Variants in PIK3R3 observed in about 807,000 individuals in gnomAD.
PIK3R3 encodes phosphatidylinositol 3-kinase regulatory subunit gamma.
A neutral mutation model predicts 62.9 loss-of-function variants in PIK3R3; 64 were observed. The observed-to-expected ratio is 1.02, with a 90% CI of 0.83 to 1.25. The LOEUF (loss-of-function observed/expected upper bound fraction) is 1.25, where lower values mean the gene tolerates loss of function less well. Among genes scored for constraint, PIK3R3 ranks in the 50% most tolerant of loss-of-function variants. The pLI is 0.00. For synonymous variants in PIK3R3, 165 were observed against 189.0 expected, an observed-to-expected ratio of 0.87 and a Z score of 1.04; for missense variants, 614 against 561.6, an observed-to-expected ratio of 1.09 and a Z score of -0.94.
At chr1:46,172,215 C>CTA in the PIK3R3 span, among the ~76,000 whole-genome samples, 1 of 152,150 alleles carries the variant, frequency 6.6e-6, no homozygotes, top group African/African-American at 2.4e-5. Flanking sequence ...CTGGGCTGCT[C>CTA]CCCAGGCACT....
At chr1:46,081,881 G>A (rs904035108) in intron 1 of PIK3R3, among the ~76,000 whole-genome samples, 6 of 152,142 alleles carry the variant, frequency 3.9e-5, no homozygotes, top group Admixed American at 1.3e-4. Flanking sequence ...ACAAAACAGC[G>A]AACTGGAAGG....
At chr1:46,051,982 A>T (rs913366073) in intron 7 of PIK3R3, among the ~76,000 whole-genome samples, 11 of 152,018 alleles carry the variant, frequency 7.2e-5, no homozygotes, top group African/African-American at 1.9e-4. Flanking sequence ...CTAAAAAAAT[A>T]AAAAAATTAG....
the PIK3R3 span, among the ~76,000 whole-genome samples, chr1:46,147,366 A>C: frequency 1.3e-5 from 2 of 152,116 alleles, no homozygotes; most frequent in African/African-American, 4.8e-5. Flanking sequence ...CAGCTTCCCA[A>C]AATGCTGGGA....
chr1:46,141,076 T>A, the PIK3R3 span, among the ~76,000 whole-genome samples: 1 of 151,856 alleles, frequency 6.6e-6, no homozygotes, highest in Non-Finnish European at 1.5e-5. Context: ...CCCAGGCTGG[T>A]CTTGAACTCC....
intron 1 of PIK3R3, among the ~76,000 whole-genome samples, chr1:46,101,732 T>C (rs1331039265): frequency 6.6e-6 from 1 of 152,138 alleles, no homozygotes; most frequent in Non-Finnish European, 1.5e-5. Flanking sequence ...ATATCTAGAA[T>C]AGGCAAATTC....
the PIK3R3 span, among the ~76,000 whole-genome samples, chr1:46,159,627 C>T: frequency 1.3e-5 from 2 of 152,170 alleles, no homozygotes; most frequent in African/African-American, 2.4e-5. Context: ...TCATCACCTC[C>T]GGCTCTAAGT....
intron 3 of PIK3R3, among the ~76,000 whole-genome samples, chr1:46,072,030 C>A (rs1649587476): frequency 6.6e-6 from 1 of 152,068 alleles, no homozygotes; most frequent in South Asian, 2.1e-4. Context: ...ACTCCCCTCC[C>A]ACTTTCTACA....
At chr1:46,048,575 T>C (rs902716023) in intron 7 of PIK3R3, among the ~76,000 whole-genome samples, 15 of 152,196 alleles carry the variant, frequency 9.9e-5, no homozygotes, top group African/African-American at 3.4e-4. Context: ...CAAAGAAATA[T>C]GCACACTGGG....
At chr1:46,159,609 C>T in the PIK3R3 span, among the ~76,000 whole-genome samples, 1 of 152,266 alleles carries the variant, frequency 6.6e-6, no homozygotes, top group South Asian at 2.1e-4. Flanking sequence ...AGGACAATTA[C>T]ATTGTCATCA....
chr1:46,140,557 A>G, the PIK3R3 span, among the ~76,000 whole-genome samples: 2 of 152,244 alleles, frequency 1.3e-5, no homozygotes, highest in African/African-American at 2.4e-5. Context: ...TGGATCCTAG[A>G]TCTAATGATC....
At chr1:46,121,454 A>C (rs1161206078) in intron 1 of PIK3R3, among the ~76,000 whole-genome samples, 2 of 152,122 alleles carry the variant, frequency 1.3e-5, no homozygotes, top group Non-Finnish European at 2.9e-5. Flanking sequence ...AGCAATTTTC[A>C]TTCAGATTTT....
chr1:46,141,399 T>A, the PIK3R3 span, among the ~76,000 whole-genome samples: 1 of 151,900 alleles, frequency 6.6e-6, no homozygotes, highest in African/African-American at 2.4e-5. Flanking sequence ...GCCTCCCGAG[T>A]AGCTGGGATT....
chr1:46,092,811 G>C (rs1039432706), intron 1 of PIK3R3, among the ~76,000 whole-genome samples: 1 of 72,390 alleles, frequency 1.4e-5, no homozygotes, highest in African/African-American at 5.7e-5. Context: ...ATCCCATACT[G>C]GTCTTCATTT....
intron 7 of PIK3R3, among the ~76,000 whole-genome samples, chr1:46,047,452 G>GAAAA (rs1329573787): frequency 3.4e-5 from 5 of 148,288 alleles, no homozygotes; most frequent in African/African-American, 5.0e-5. Flanking sequence ...AAAAAAAAAA[G>GAAAA]AAAGAAAGAA....
At chr1:46,157,727 C>G in the PIK3R3 span, among the ~76,000 whole-genome samples, 6 of 152,184 alleles carry the variant, frequency 3.9e-5, no homozygotes, top group African/African-American at 1.4e-4. Flanking sequence ...GAAAGTTGGT[C>G]TTTGAAGGAC....
chr1:46,070,461 G>C (rs1649381587), intron 3 of PIK3R3, among the ~76,000 whole-genome samples: 1 of 152,198 alleles, frequency 6.6e-6, no homozygotes, highest in East Asian at 1.9e-4. Context: ...TTAAAAGTGG[G>C]AAGAAAGGCT....
chr1:46,087,592 C>CTTTTTTTTTT (rs35296719), intron 1 of PIK3R3, among the ~76,000 whole-genome samples: 1 of 100,358 alleles, frequency 1.0e-5, no homozygotes, highest in Non-Finnish European at 1.9e-5. Flanking sequence ...ACATATTCAT[C>CTTTTTTTTTT]TTTTTTTTTT....
intron 7 of PIK3R3, among the ~76,000 whole-genome samples, chr1:46,049,831 G>A (rs993984211): frequency 6.6e-6 from 1 of 152,046 alleles, no homozygotes; most frequent in African/African-American, 2.4e-5. Context: ...AAAAAAATGA[G>A]GAATGGAGCT....
At chr1:46,141,676 C>T in the PIK3R3 span, among the ~76,000 whole-genome samples, 3 of 152,200 alleles carry the variant, frequency 2.0e-5, no homozygotes, top group Non-Finnish European at 4.4e-5. Flanking sequence ...AGTGCTCAAA[C>T]CTATAAAACT....
Sources: allele counts gnomAD v4.1 joint callset (sites outside exome capture counted in the v4.1 genomes callset), GRCh38; gene constraint gnomAD v4.1.1; transcripts MANE v1.5; gene names NCBI Gene and HGNC (gene_info 2026-07-23, HGNC 2026-07-21).